The following PCDH15 variants were observed in gnomAD, a reference collection of about 807,000 sequenced individuals.
PCDH15 encodes the protein protocadherin related 15.
Under a neutral mutation model 178.5 loss-of-function variants are expected in PCDH15, and 129 were observed. That is an observed-to-expected ratio of 0.72 (90% confidence interval 0.63 to 0.84). The LOEUF (loss-of-function observed/expected upper bound fraction) is 0.84. PCDH15 is among the 40% of genes least tolerant of loss of function. The probability of loss-of-function intolerance (pLI) is 0.00; values close to 1 mark genes in which losing one functional copy is unlikely to be tolerated. For synonymous variants in PCDH15, 800 were observed against 732.0 expected (o/e 1.09, Z -1.50); for missense variants, 2,230 against 2,099.9 (o/e 1.06, Z -1.21).
At chr10:54,377,508 G>A (rs939844483) in intron 4 of PCDH15, among the ~76,000 whole-genome samples, 3 of 152,084 alleles carry the variant, frequency 2.0e-5, no homozygotes, top group African/African-American at 4.8e-5. Flanking sequence ...GAATTCATAA[G>A]TAATAAAGCA....
intron 21 of PCDH15, among the ~76,000 whole-genome samples, chr10:53,963,008 T>G (rs2088530406): frequency 6.6e-6 from 1 of 152,216 alleles, no homozygotes; most frequent in African/African-American, 2.4e-5. Flanking sequence ...CAACATTAAC[T>G]TCTTCAGAGA....
At chr10:53,909,926 TCTGCGAGG>T (rs1215265926) in intron 25 of PCDH15, among the ~76,000 whole-genome samples, 1 of 152,138 alleles carries the variant, frequency 6.6e-6, no homozygotes, top group Non-Finnish European at 1.5e-5. Context: ...CTGAGATCAA[TCTGCGAGG>T]CAGCAGCCTG....
chr10:54,796,913 A>G (rs569481688), intron 1 of PCDH15, among the ~76,000 whole-genome samples: 11 of 152,156 alleles, frequency 7.2e-5, no homozygotes, highest in African/African-American at 2.4e-4. Context: ...ATGATAAAGC[A>G]AAAAGAAAAG....
chr10:54,314,135 A>T, intron 8 of PCDH15, among the ~76,000 whole-genome samples: 1 of 13,338 alleles, frequency 7.5e-5, no homozygotes, highest in Non-Finnish European at 2.1e-4. Flanking sequence ...GGAAGTACAC[A>T]CACACACACA....
intron 15 of PCDH15, among the ~76,000 whole-genome samples, chr10:54,128,907 C>A (rs1422935789): frequency 6.6e-6 from 1 of 152,084 alleles, no homozygotes; most frequent in African/African-American, 2.4e-5. Context: ...ACAAAATTAA[C>A]CTTTGGAAAA....
At chr10:54,331,891 T>C (rs995510059) in intron 6 of PCDH15, among the ~76,000 whole-genome samples, 3 of 151,908 alleles carry the variant, frequency 2.0e-5, no homozygotes, top group African/African-American at 7.2e-5. Context: ...TACCAGGAAG[T>C]ATTTTGCAAA....
intron 2 of PCDH15, among the ~76,000 whole-genome samples, chr10:55,138,049 T>A (rs1838250958): frequency 6.6e-6 from 1 of 152,154 alleles, no homozygotes. Context: ...TAAGTTTTGC[T>A]AGTTAGATGC....
intron 2 of PCDH15, among the ~76,000 whole-genome samples, chr10:55,603,012 A>C (rs1213072521): frequency 6.6e-6 from 1 of 152,064 alleles, no homozygotes; most frequent in Non-Finnish European, 1.5e-5. Flanking sequence ...AGAATGTATA[A>C]CTAGAATAAC....
chr10:54,816,285 A>C (rs1952949326), intron 3 of PCDH15, among the ~76,000 whole-genome samples: 1 of 152,074 alleles, frequency 6.6e-6, no homozygotes, highest in Non-Finnish European at 1.5e-5. Flanking sequence ...GTCTCTTAAG[A>C]AGCTCATGAC....
intron 8 of PCDH15, among the ~76,000 whole-genome samples, chr10:54,288,155 C>T (rs1591600928): frequency 6.6e-6 from 1 of 151,944 alleles, no homozygotes. Context: ...AACCCCATCT[C>T]TACCAAAAAC....
intron 1 of PCDH15, among the ~76,000 whole-genome samples, chr10:54,764,145 T>G (rs184562984): frequency 1.1e-3 from 168 of 152,122 alleles, no homozygotes; most frequent in African/African-American, 3.6e-3. Context: ...TCTTATAAAC[T>G]TTGTTATGTC....
chr10:55,533,001 C>G (rs1841487272), intron 2 of PCDH15, among the ~76,000 whole-genome samples: 1 of 151,946 alleles, frequency 6.6e-6, no homozygotes, highest in Admixed American at 6.6e-5. Context: ...TTTCCAATTC[C>G]TACACATCTC....
intron 2 of PCDH15, among the ~76,000 whole-genome samples, chr10:55,617,444 C>T (rs1041701425): frequency 1.1e-4 from 17 of 151,996 alleles, no homozygotes; most frequent in African/African-American, 4.1e-4. Flanking sequence ...TATATTTTTG[C>T]TGTTGAAAAA....
At chr10:54,654,792 A>G (rs1188978235) in intron 2 of PCDH15, 3 of 152,236 alleles carry the variant, frequency 2.0e-5, no homozygotes, top group African/African-American at 7.2e-5. Flanking sequence ...CAATCGTTCT[A>G]AAATTTTCAG....
At chr10:54,535,656 G>A (rs995548130) in intron 2 of PCDH15, among the ~76,000 whole-genome samples, 1 of 139,398 alleles carries the variant, frequency 7.2e-6, no homozygotes, top group African/African-American at 2.7e-5. Flanking sequence ...CTTGCAGTGA[G>A]CTGAGATGGT....
In PCDH15 at chr10:54,649,280, G is replaced by A. The variant is rs569038786; in HGVS notation, c.91+14892C>T. 9.2e-5 allele frequency among the ~76,000 whole-genome samples: 14 copies of A among 152,006 alleles called. No homozygotes were observed. The South Asian group carries it at 2.7e-3, about 29-fold the overall frequency. On this transcript the variant is annotated intron_variant, in intron 2 of 37. Coordinates refer to ENST00000644397, the MANE Select transcript of PCDH15 (RefSeq NM_001384140.1). ...CTTTTCTAAATAATACACAATCATGGGATAAATACTAATTTGATCTGTAAT... is the reference window on the plus strand; with the variant it reads ...CTTTTCTAAATAATACACAATCATGAGATAAATACTAATTTGATCTGTAAT...
intron 15 of PCDH15, among the ~76,000 whole-genome samples, chr10:54,119,247 A>C (rs185915705): frequency 3.3e-5 from 5 of 152,144 alleles, no homozygotes. Flanking sequence ...CACACAAAAA[A>C]ATTCTAAAGC....
intron 3 of PCDH15, among the ~76,000 whole-genome samples, chr10:54,873,900 A>G (rs1419018282): frequency 6.7e-6 from 1 of 150,362 alleles, no homozygotes; most frequent in African/African-American, 2.4e-5. Flanking sequence ...TAGATTTTGA[A>G]ACTGTATAGT....
At chr10:55,125,163 T>TTG (rs34423359) in intron 2 of PCDH15, among the ~76,000 whole-genome samples, 74,219 of 142,836 alleles carry the variant, frequency 0.52, 20,735 homozygotes, top group Non-Finnish European at 0.64. Context: ...TTTTTTTTAA[T>TTG]TGTGTGTGTG....
Sources: allele counts gnomAD v4.1 joint callset (sites outside exome capture counted in the v4.1 genomes callset), GRCh38; gene constraint gnomAD v4.1.1; transcripts MANE v1.5; gene names NCBI Gene and HGNC (gene_info 2026-07-23, HGNC 2026-07-21).